ADGRF5: variants seen among roughly 807,000 people sequenced by gnomAD.
ADGRF5 encodes G-protein coupled receptor 116.
ADGRF5 carries 75 observed loss-of-function variants against 132.3 expected under a neutral mutation model. The observed-to-expected ratio is 0.57, with a 90% confidence interval of 0.47 to 0.69. The LOEUF (loss-of-function observed/expected upper bound fraction) is 0.69, where lower values mean the gene tolerates loss of function less well. Ranked by LOEUF, ADGRF5 falls within the 30% of genes least tolerant of loss-of-function variation. The pLI is 0.00. For missense variants in ADGRF5, 1,516 were observed against 1,630.6 expected, an observed-to-expected ratio of 0.93 and a Z score of 1.21; for synonymous variants, 629 against 597.6, an observed-to-expected ratio of 1.05 and a Z score of -0.77.
chr6:46,881,432 C>T (rs775484546), intron 8 of ADGRF5, 23 bp downstream of exon 8: 2 of 1,599,934 alleles, frequency 1.3e-6, no homozygotes, highest in African/African-American at 2.7e-5. Context: ...ATAACATGAC[C>T]ATATCTAAAC....
At chr6:46,898,113 T>C (rs947276090) in intron 3 of ADGRF5, among the ~76,000 whole-genome samples, 6 of 152,238 alleles carry the variant, frequency 3.9e-5, no homozygotes, top group Non-Finnish European at 5.9e-5. Context: ...AACTTTGGAA[T>C]GTCAAATCCT....
chr6:46,902,838 A>C (rs1189841690), intron 2 of ADGRF5, among the ~76,000 whole-genome samples: 3 of 152,190 alleles, frequency 2.0e-5, no homozygotes, highest in Non-Finnish European at 4.4e-5. Flanking sequence ...GTTGGGATGG[A>C]GATGGGTAAA....
chr6:46,859,467 C>T lies in ADGRF5; in HGVS notation c.2436G>A (p.Lys812=), dbSNP rs776909869. ...ILGKPVLNTW[K]VLQQQWTNQS... ...GATTGGTCCATTGCTGTTGTAAAAC[C>T]TTCCAGGTGTTCAAGACGGGCTTGC... Residue 812 remains lysine (K), a synonymous_variant, in exon 17 of 21, where the codon AAG becomes AAA. Coordinates refer to ENST00000283296, the MANE Select transcript of ADGRF5 (RefSeq NM_001098518.2). 5 of 1,613,578 alleles carry T rather than the reference C, an allele frequency of 3.1e-6. No homozygotes were observed. In the African/African-American group the frequency reaches 4.0e-5, roughly 13 times the overall value.
Position 46,866,487 on chromosome 6 carries a change from G to A in ADGRF5, c.1834+438C>T, listed in dbSNP as rs186953318. 2.5e-3 allele frequency among the ~76,000 whole-genome samples: 376 copies of A among 152,250 alleles called. 2 individuals carry two copies. Among genetic ancestry groups the A allele is most frequent in the Non-Finnish European group, 4.7e-3 (317 of 68,002 alleles). ...AGCCCATAGGAAAGCTCCAGCATTA[G>A]TTAAAGCATCATTTCTATTTTATTT... is the stretch of plus-strand genomic sequence containing the variant. On this transcript the variant is annotated intron_variant, in intron 13 of 20. Transcript: ENST00000283296.
intron 1 of ADGRF5, among the ~76,000 whole-genome samples, chr6:46,948,726 G>A (rs941524721): frequency 1.2e-4 from 19 of 152,106 alleles, no homozygotes; most frequent in African/African-American, 3.1e-4. Flanking sequence ...TTGAATTGCC[G>A]TCACCGGTCT....
chr6:46,860,239 T>C (rs543547042), intron 16 of ADGRF5, among the ~76,000 whole-genome samples: 4 of 152,248 alleles, frequency 2.6e-5, no homozygotes, highest in African/African-American at 9.6e-5. Context: ...TCACCCCTGG[T>C]TTATTTGTTT....
chr6:46,877,323 T>TCTCTC (rs1348421437), intron 10 of ADGRF5, among the ~76,000 whole-genome samples: 2 of 9,418 alleles, frequency 2.1e-4, no homozygotes, highest in African/African-American at 3.9e-4. Flanking sequence ...CCTTCCTTCC[T>TCTCTC]TCTTTCTTTC....
intron 10 of ADGRF5, among the ~76,000 whole-genome samples, chr6:46,874,136 A>G (rs1185832891): frequency 6.6e-6 from 1 of 152,146 alleles, no homozygotes; most frequent in Non-Finnish European, 1.5e-5. Flanking sequence ...TTACCTTTAA[A>G]ACCTTACCAT....
At chr6:46,858,052 C>A in intron 17 of ADGRF5, 77 bp downstream of exon 17, 1 of 1,117,296 alleles carries the variant, frequency 9.0e-7, no homozygotes, top group Non-Finnish European at 1.3e-6. Context: ...CCCATTCCTA[C>A]TCTTGTTTGT....
At chr6:46,871,525 A>C (rs1030603014) in intron 11 of ADGRF5, among the ~76,000 whole-genome samples, 2 of 152,126 alleles carry the variant, frequency 1.3e-5, no homozygotes, top group Non-Finnish European at 2.9e-5. Flanking sequence ...TACACCTTCA[A>C]TGATAATAGG....
chr6:46,904,461 T>G (rs1254629051), intron 2 of ADGRF5, among the ~76,000 whole-genome samples: 2 of 152,106 alleles, frequency 1.3e-5, no homozygotes, highest in African/African-American at 2.4e-5. Context: ...AGACAAATAC[T>G]ATATGATTCC....
At chr6:46,890,443 C>A (rs944099494) in intron 3 of ADGRF5, among the ~76,000 whole-genome samples, 1 of 151,868 alleles carries the variant, frequency 6.6e-6, no homozygotes, top group African/African-American at 2.4e-5. Context: ...GTAGGGCGGG[C>A]GCCATGGCTT....
chr6:46,879,210 A>C, intron 9 of ADGRF5, among the ~76,000 whole-genome samples: 1 of 151,320 alleles, frequency 6.6e-6, no homozygotes, highest in South Asian at 2.1e-4. Flanking sequence ...AAATAATGAA[A>C]ATAATTATAT....
chr6:46,943,151 C>CAA (rs141970567), intron 1 of ADGRF5, among the ~76,000 whole-genome samples: 45 of 141,954 alleles, frequency 3.2e-4, no homozygotes, highest in Middle Eastern at 3.5e-3. Flanking sequence ...CTTACACATA[C>CAA]AAAAAAAAAA....
intron 3 of ADGRF5, 149 bp from the exon 4 acceptor site, chr6:46,888,654 GA>G: frequency 1.6e-6 from 1 of 627,468 alleles, no homozygotes; most frequent in South Asian, 2.0e-5. Context: ...AATCTTTAGA[GA>G]AAAAGAAGGT....
chr6:46,919,902 T>G (rs79350531), intron 1 of ADGRF5, among the ~76,000 whole-genome samples: 1,566 of 152,350 alleles, frequency 0.01, 17 homozygotes, highest in Non-Finnish European at 0.014. Flanking sequence ...CTCCATAAGC[T>G]GTATTAACTT....
At position 46,888,519 on chromosome 6, in the gene ADGRF5, A is replaced by C. The variant is rs1176998546; in HGVS notation, c.158-14T>G. On this transcript the variant is annotated splice_polypyrimidine_tract_variant and intron_variant, in intron 3 of 20. Coordinates refer to ENST00000283296, the MANE Select transcript of ADGRF5 (RefSeq NM_001098518.2). ...TTTTTGTGGCAACTGCAATGAAAGC[A>C]CATGAAGGCTGAGAGAACTTACCAT... 6.3e-7 allele frequency: 1 copy of C among 1,598,414 alleles called. No homozygotes were observed. The highest frequency in any genetic ancestry group is 1.1e-5 in the South Asian group (1 of 90,730).
At chr6:46,926,780 C>A (rs1777271107), upstream of ADGRF5, among the ~76,000 whole-genome samples, 1 of 152,164 alleles carries the variant, frequency 6.6e-6, no homozygotes, top group Admixed American at 6.5e-5. Flanking sequence ...CCAACCCAGT[C>A]CCATGGAGAA....
Position 46,883,451 on chromosome 6 carries a change from C to T in ADGRF5, c.612+108G>A. On this transcript the variant is annotated intron_variant, in intron 6 of 20. Coordinates refer to ENST00000283296, the MANE Select transcript of ADGRF5 (RefSeq NM_001098518.2). Reference sequence around the variant, plus strand: ...CTCAGATGTAAAAGAATAATAAATCCACATCCGTAAATTCTGACAGATCCA... The same window carrying T: ...CTCAGATGTAAAAGAATAATAAATCTACATCCGTAAATTCTGACAGATCCA... 9.2e-6 allele frequency: 6 copies of T among 652,250 alleles called. No individual in the cohort carries two copies. The South Asian group carries it at 1.1e-4, about 12-fold the overall frequency. 40.4% of individuals were successfully genotyped at this position (652,250 alleles called of 1,614,324 possible). A position where few individuals can be genotyped will look rare whatever the true frequency, so the allele number is the denominator to read the frequency against.
Sources: gnomAD v4.1 joint callset for allele counts (sites outside exome capture counted in the v4.1 genomes callset) on GRCh38, gnomAD v4.1.1 for gene constraint, MANE v1.5 for transcripts, NCBI Gene and HGNC (gene_info 2026-07-23, HGNC 2026-07-21) for gene names.